The following PSD3 variants were observed in gnomAD, a reference collection of about 807,000 sequenced individuals.
PSD3 encodes the protein PH and SEC7 domain-containing protein 3.
PSD3 carries 49 observed loss-of-function variants against 105.5 expected under a neutral mutation model. That is an observed-to-expected ratio of 0.46 (90% CI 0.37 to 0.59). The LOEUF (loss-of-function observed/expected upper bound fraction) is 0.59, where lower values mean the gene tolerates loss of function less well. PSD3 is among the 20% of genes least tolerant of loss of function. PSD3 has a pLI of 0.00. For missense variants in PSD3, 1,561 were observed against 1,263.8 expected, an observed-to-expected ratio of 1.24 and a Z score of -3.57; for synonymous variants, 557 against 457.8, an observed-to-expected ratio of 1.22 and a Z score of -2.77.
rs1812717997 is a variant in PSD3 at position 18,821,682 on chromosome 8, A to AC, written c.1635-16785dup. ...TTTTAATTCCAAAATTTTGACCCCC[A>AC]CAACACACACACACACACACACACA... is the stretch of plus-strand genomic sequence containing the variant. On this transcript the variant is annotated intron_variant, in intron 4 of 15. Coordinates refer to ENST00000327040, the MANE Select transcript of PSD3 (RefSeq NM_015310.4). 1.3e-3 allele frequency among the ~76,000 whole-genome samples: 61 copies of AC among 45,926 alleles called. No homozygotes were observed. The South Asian group carries it at 0.054, about 41-fold the overall frequency. 30.1% of individuals were successfully genotyped at this position (45,926 alleles called of 152,430 possible).
chr8:19,081,351 C>A lies in PSD3; in HGVS notation c.324+2855G>T, dbSNP rs537334621. 3.3e-5 allele frequency among the ~76,000 whole-genome samples: 5 copies of A among 152,292 alleles called. No individual in the cohort carries two copies. The East Asian group carries it at 9.7e-4, about 29-fold the overall frequency. Reference sequence around the variant, plus strand: ...GGAATTAGGAGTGCAGTACAGACCACCAGGCCTCAGGAAATGTAGGGTTAC... The same window carrying A: ...GGAATTAGGAGTGCAGTACAGACCAACAGGCCTCAGGAAATGTAGGGTTAC... On this transcript the variant is annotated intron_variant, in intron 1 of 1. Transcript: ENST00000521475.
chr8:18,771,133 C>T (rs914798558), intron 8 of PSD3, among the ~76,000 whole-genome samples: 1 of 152,200 alleles, frequency 6.6e-6, no homozygotes, highest in African/African-American at 2.4e-5. Context: ...TCTCTGCTGG[C>T]TGAGGCTGGG....
At chr8:18,858,991 G>C (rs1007616960) in intron 4 of PSD3, among the ~76,000 whole-genome samples, 1 of 152,100 alleles carries the variant, frequency 6.6e-6, no homozygotes, top group Admixed American at 6.5e-5. Flanking sequence ...GTTTTCAACT[G>C]ACTTTGCCCA....
intron 2 of PSD3, 42 bp from the exon 3 acceptor site, chr8:18,872,775 G>A (rs942782186): frequency 3.4e-6 from 5 of 1,490,252 alleles, no homozygotes; most frequent in Non-Finnish European, 4.5e-6. Flanking sequence ...GTTGTAGAAA[G>A]ACAGGGCCCA....
intron 1 of PSD3, chr8:19,000,468 C>CGT (rs1563499120): frequency 6.6e-6 from 1 of 150,806 alleles, no homozygotes; most frequent in Non-Finnish European, 1.5e-5. Flanking sequence ...TCTGAGACTG[C>CGT]TACATCACAC....
intron 1 of PSD3, among the ~76,000 whole-genome samples, chr8:19,049,267 G>T (rs765949895): frequency 6.6e-6 from 1 of 152,068 alleles, no homozygotes; most frequent in African/African-American, 2.4e-5. Context: ...AAGGTGGAGC[G>T]GAGAGACTAT....
intron 1 of PSD3, 86 bp from the exon 2 acceptor site, chr8:18,936,228 G>C (rs932462116): frequency 1.0e-4 from 90 of 879,892 alleles, no homozygotes; most frequent in Non-Finnish European, 1.2e-4. Context: ...CATGAGATTG[G>C]TAAAATAATT....
chr8:18,590,835 C>G (rs966737073), intron 12 of PSD3, among the ~76,000 whole-genome samples: 1 of 152,064 alleles, frequency 6.6e-6, no homozygotes, highest in African/African-American at 2.4e-5. Flanking sequence ...TATCATTTCA[C>G]AGTCACCAAA....
intron 1 of PSD3, among the ~76,000 whole-genome samples, chr8:19,080,868 A>G (rs761372868): frequency 1.3e-5 from 2 of 152,202 alleles, no homozygotes; most frequent in Non-Finnish European, 2.9e-5. Context: ...CTTATATACC[A>G]AAAGTCACTG....
At chr8:19,079,268 C>G (rs780985458) in intron 1 of PSD3, among the ~76,000 whole-genome samples, 1 of 152,126 alleles carries the variant, frequency 6.6e-6, no homozygotes, top group Non-Finnish European at 1.5e-5. Context: ...TGTGTCAAAA[C>G]CAACGTAGCG....
At chr8:19,022,066 G>C (rs1417158452) in intron 1 of PSD3, among the ~76,000 whole-genome samples, 1 of 152,162 alleles carries the variant, frequency 6.6e-6, no homozygotes, top group African/African-American at 2.4e-5. Context: ...GCAGGGACAG[G>C]CATGTCACAT....
intron 1 of PSD3, among the ~76,000 whole-genome samples, chr8:19,068,237 T>TA (rs762799209): frequency 1.5e-3 from 194 of 131,896 alleles, no homozygotes; most frequent in South Asian, 6.5e-3. Flanking sequence ...GCTGAGGATT[T>TA]TAAAAAAAAA....
At chr8:18,846,033 T>G (rs1046876497) in intron 4 of PSD3, among the ~76,000 whole-genome samples, 6 of 152,286 alleles carry the variant, frequency 3.9e-5, no homozygotes, top group African/African-American at 1.4e-4. Context: ...TGGTATTCTT[T>G]GTAGAGATGG....
chr8:18,681,272 A>G lies in PSD3; in HGVS notation c.2173-25587T>C, dbSNP rs548602975. Among the ~76,000 whole-genome samples the G allele has an allele frequency of 1.2e-4, 19 of 152,174 alleles. No individual in the cohort carries two copies. In the South Asian group the frequency reaches 3.5e-3, roughly 28 times the overall value. ...AATTAGACATCCTGCATTTTGGATG[A>G]AAGAGTCAGATAATCAAAAATGCTG... is the stretch of plus-strand genomic sequence containing the variant. On this transcript the variant is annotated intron_variant, in intron 9 of 15. Coordinates refer to ENST00000327040, the MANE Select transcript of PSD3 (RefSeq NM_015310.4).
chr8:19,060,532 G>T (rs934810262), intron 1 of PSD3, among the ~76,000 whole-genome samples: 1 of 152,156 alleles, frequency 6.6e-6, no homozygotes, highest in Admixed American at 6.5e-5. Context: ...TACTCAGGAG[G>T]CTGAGACAGG....
At chr8:18,926,249 T>C (rs921172548) in intron 2 of PSD3, among the ~76,000 whole-genome samples, 3 of 151,960 alleles carry the variant, frequency 2.0e-5, no homozygotes, top group African/African-American at 7.2e-5. Context: ...GTGGCTGAGA[T>C]AGTGACCTCT....
chr8:18,612,007 G>A (rs1805303340), intron 11 of PSD3, among the ~76,000 whole-genome samples: 1 of 152,146 alleles, frequency 6.6e-6, no homozygotes, highest in African/African-American at 2.4e-5. Context: ...ATTGTCTAAG[G>A]TGGAATGTTA....
chr8:18,772,388 A>C (rs887476453), intron 8 of PSD3, among the ~76,000 whole-genome samples: 1 of 147,504 alleles, frequency 6.8e-6, no homozygotes, highest in South Asian at 2.2e-4. Context: ...TGCCAAAAAT[A>C]GTTTCTATTT....
At chr8:18,648,970 G>C (rs1420714387) in intron 10 of PSD3, among the ~76,000 whole-genome samples, 1 of 152,268 alleles carries the variant, frequency 6.6e-6, no homozygotes. Flanking sequence ...CTAGATGTCA[G>C]AGAATGTATG....
Sources: allele counts gnomAD v4.1 joint callset (sites outside exome capture counted in the v4.1 genomes callset), GRCh38; gene constraint gnomAD v4.1.1; transcripts MANE v1.5; gene names NCBI Gene and HGNC (gene_info 2026-07-23, HGNC 2026-07-21).